TEX11: variants seen among roughly 807,000 people sequenced by gnomAD.
TEX11 encodes the protein testis expressed 11, also known as testis-expressed protein 11.
In TEX11, 7 loss-of-function variants were observed where a neutral mutation model predicts 84.4. The observed-to-expected ratio is 0.08, with a 90% CI of 0.05 to 0.16. TEX11 has a LOEUF of 0.16. Among genes scored for constraint, TEX11 ranks in the 10% least tolerant of loss-of-function variants. The pLI, the probability that TEX11 is intolerant of heterozygous loss-of-function variation, is 1.00. For missense variants in TEX11, 551 were observed against 660.5 expected (o/e 0.83, Z 1.82); for synonymous variants, 264 against 222.8 (o/e 1.18, Z -1.64).
intron 25 of TEX11, among the ~76,000 whole-genome samples, chrX:70,571,395 T>C (rs1399158008): frequency 1.8e-5 from 2 of 112,232 alleles, no homozygotes; most frequent in Non-Finnish European, 1.9e-5. Context: ...CCTTCTACTA[T>C]CTTTAATTTG....
chrX:70,678,838 T>C lies in TEX11; in HGVS notation c.1208A>G (p.Asn403Ser). The change falls in exon 15 of 30, where the codon AAC becomes AGC. Residue 403 changes from asparagine (N) to serine (S), a missense_variant. By Grantham distance (46) the Asn-to-Ser change is conservative. Transcript: ENST00000374333. ...ACTGGCAGCTTGTCTCCACAGAATG[T>C]TGTGTAACCAGTTCATTGATTCTGC... ...LTAESMNWLH[N>S]ILWRQAASSF... 1 of 1,206,650 alleles carries C rather than the reference T, an allele frequency of 8.3e-7. No homozygotes were observed. The highest frequency in any genetic ancestry group is 1.1e-6 in the Non-Finnish European group (1 of 893,569).
intron 9 of TEX11, among the ~76,000 whole-genome samples, chrX:70,747,212 A>C (rs2090773889): frequency 8.9e-6 from 1 of 112,191 alleles, no homozygotes; most frequent in Non-Finnish European, 1.9e-5. Flanking sequence ...ACATACATCC[A>C]GGAAAGGATG....
chrX:70,559,503 T>C (rs887476565), intron 25 of TEX11, among the ~76,000 whole-genome samples: 7 of 112,194 alleles, frequency 6.2e-5, no homozygotes, highest in African/African-American at 2.3e-4. Context: ...TGCACATATC[T>C]GTGAATATAC....
In TEX11 at chrX:70,780,189, G is replaced by A. The variant is rs977347532; in HGVS notation, c.692+26516C>T. ...CTTGGGAGGCTGAGACAGGAGAATC[G>A]CTTGAACCTGGGAGGCAAAGGTTGC... On this transcript the variant is annotated intron_variant, in intron 9 of 29. Coordinates refer to ENST00000374333, the MANE Select transcript of TEX11 (RefSeq NM_031276.3). Among the ~76,000 whole-genome samples, 182 of 111,519 alleles carry A rather than the reference G, an allele frequency of 1.6e-3. 1 individual carries two copies. Among genetic ancestry groups the A allele is most frequent in the African/African-American group, 3.4e-3 (103 of 30,700 alleles).
At chrX:70,826,522 T>C in intron 8 of TEX11, among the ~76,000 whole-genome samples, 1 of 111,372 alleles carries the variant, frequency 9.0e-6, no homozygotes, top group Admixed American at 9.6e-5. Context: ...GGATAAACAG[T>C]CTTCAATCTC....
At chrX:70,634,250 C>T (rs1159574154) in intron 17 of TEX11, among the ~76,000 whole-genome samples, 3 of 111,598 alleles carry the variant, frequency 2.7e-5, no homozygotes, top group Admixed American at 9.5e-5. Flanking sequence ...GTAAGTTGTT[C>T]GTGGTTTGGA....
chrX:70,854,815 G>A (rs2091526842), intron 5 of TEX11, among the ~76,000 whole-genome samples: 1 of 109,478 alleles, frequency 9.1e-6, no homozygotes, highest in Non-Finnish European at 1.9e-5. Context: ...GGAGGCCGAG[G>A]TGGACGAATT....
intron 11 of TEX11, among the ~76,000 whole-genome samples, 154 bp from the exon 12 acceptor site, chrX:70,725,497 C>A (rs1458339574): frequency 4.5e-5 from 5 of 111,731 alleles, no homozygotes; most frequent in African/African-American, 1.6e-4. Flanking sequence ...TTTGTTCTAT[C>A]CCTGAGGATA....
chrX:70,560,844 T>A (rs1309059029), intron 25 of TEX11, among the ~76,000 whole-genome samples: 1 of 95,810 alleles, frequency 1.0e-5, no homozygotes, highest in Non-Finnish European at 2.0e-5. Flanking sequence ...TGCCTCAGCC[T>A]CCCAAGTAGC....
intron 25 of TEX11, among the ~76,000 whole-genome samples, chrX:70,568,770 G>A (rs1327018393): frequency 9.0e-6 from 1 of 111,721 alleles, no homozygotes; most frequent in South Asian, 3.8e-4. Flanking sequence ...TCTGCCGAGA[G>A]ATCAGCTGTT....
chrX:70,603,969 C>T (rs1007017018), intron 24 of TEX11, among the ~76,000 whole-genome samples: 13 of 111,942 alleles, frequency 1.2e-4, no homozygotes, highest in Non-Finnish European at 2.3e-4. Context: ...TGATAAAAGG[C>T]AGAAGTGCAT....
intron 4 of TEX11, among the ~76,000 whole-genome samples, chrX:70,871,325 C>T (rs1000809304): frequency 2.7e-5 from 3 of 112,336 alleles, no homozygotes; most frequent in African/African-American, 9.7e-5. Flanking sequence ...ATTGCCAAAT[C>T]TGTAGGCTCA....
chrX:70,741,543 T>C (rs2090734163), intron 10 of TEX11, among the ~76,000 whole-genome samples: 1 of 111,418 alleles, frequency 9.0e-6, no homozygotes, highest in African/African-American at 3.3e-5. Flanking sequence ...TTAAAACTCA[T>C]CAAGCTGTAC....
chrX:70,768,106 C>G (rs767902446), intron 9 of TEX11, among the ~76,000 whole-genome samples: 1 of 111,259 alleles, frequency 9.0e-6, no homozygotes, highest in African/African-American at 3.3e-5. Context: ...AAGAACTCAA[C>G]TGAACATTTT....
At position 70,770,579 on chromosome X, in the gene TEX11, TAAAAG is replaced by T. The variant is rs751982855; in HGVS notation, c.693-26365_693-26361del. On this transcript the variant is annotated intron_variant, in intron 9 of 29. Coordinates refer to ENST00000374333, the MANE Select transcript of TEX11 (RefSeq NM_031276.3). Reference sequence around the variant, plus strand: ...TACCCTAAAACTTAAAGTATAATAATAAAAGAAAAAAAAGACAAATATTTAAGTTC... The same window carrying T: ...TACCCTAAAACTTAAAGTATAATAATAAAAAAAAGACAAATATTTAAGTTC... Among the ~76,000 whole-genome samples the T allele has an allele frequency of 5.9e-3, 647 of 109,938 alleles. 2 individuals are homozygous for T. The highest frequency in any genetic ancestry group is 0.017 in the African/African-American group (521 of 30,303).
intron 16 of TEX11, among the ~76,000 whole-genome samples, chrX:70,668,117 C>G (rs1207955059): frequency 1.8e-5 from 2 of 111,354 alleles, no homozygotes; most frequent in Middle Eastern, 4.6e-3. Context: ...ACGATAAGAT[C>G]TTTTGCTACA....
At chrX:70,562,105 C>T (rs1263557360) in intron 25 of TEX11, among the ~76,000 whole-genome samples, 1 of 112,252 alleles carries the variant, frequency 8.9e-6, no homozygotes, top group Non-Finnish European at 1.9e-5. Flanking sequence ...CCTCCTCCCA[C>T]CACTTCACAG....
chrX:70,824,361 A>G (rs1391583386), intron 8 of TEX11, among the ~76,000 whole-genome samples: 1 of 112,224 alleles, frequency 8.9e-6, no homozygotes, highest in Non-Finnish European at 1.9e-5. Flanking sequence ...CAAATATTCA[A>G]TTTTGGTTTT....
At chrX:70,629,406 GTTACCTCACTGTTTCAT>G (rs753555651) in intron 18 of TEX11, among the ~76,000 whole-genome samples, 188 bp downstream of exon 18, 25 of 111,776 alleles carry the variant, frequency 2.2e-4, no homozygotes, top group Non-Finnish European at 3.4e-4. Flanking sequence ...GCACAACTCT[GTTACCTCACTGTTTCAT>G]TTACTTTAGT....
Sources: allele counts gnomAD v4.1 joint callset (sites outside exome capture counted in the v4.1 genomes callset), GRCh38; gene constraint gnomAD v4.1.1; transcripts MANE v1.5; gene names NCBI Gene and HGNC (gene_info 2026-07-23, HGNC 2026-07-21).